The following TAS2R1 variants were observed in gnomAD, a reference collection of about 807,000 sequenced individuals.
TAS2R1 encodes taste 2 receptor member 1, also known as taste receptor type 2 member 1.
For synonymous variants in TAS2R1, 141 were observed against 134.2 expected, an observed-to-expected ratio of 1.05 and a Z score of -0.35; for missense variants, 370 against 353.4, an observed-to-expected ratio of 1.05 and a Z score of -0.38.
At chr5:9,742,867 A>G in the TAS2R1 span, among the ~76,000 whole-genome samples, 1 of 152,196 alleles carries the variant, frequency 6.6e-6, no homozygotes, top group East Asian at 1.9e-4. Flanking sequence ...CAAAAGATAA[A>G]TGAACAATGC....
intron 1 of TAS2R1, among the ~76,000 whole-genome samples, chr5:9,708,315 G>A (rs1192627299): frequency 2.0e-5 from 3 of 152,292 alleles, no homozygotes; most frequent in Middle Eastern, 3.4e-3. Context: ...GAGGTGCTGT[G>A]CCGCAGAGCA....
At chr5:9,721,509 C>T in the TAS2R1 span, among the ~76,000 whole-genome samples, 8 of 152,208 alleles carry the variant, frequency 5.3e-5, no homozygotes, top group South Asian at 2.1e-4. Context: ...CCACAGTAGG[C>T]GCTGAATGAA....
the TAS2R1 span, among the ~76,000 whole-genome samples, chr5:9,719,275 T>C: frequency 2.3e-4 from 35 of 152,032 alleles, no homozygotes; most frequent in Middle Eastern, 3.4e-3. Flanking sequence ...GAGAGAGAGA[T>C]TGAGAGAACA....
chr5:9,873,992 GAGGAAGGAAGAA>G, the TAS2R1 span, among the ~76,000 whole-genome samples: 2 of 146,028 alleles, frequency 1.4e-5, no homozygotes, highest in East Asian at 2.0e-4. Context: ...AAAAGAGAGA[GAGGAAGGAAGAA>G]AGGAAGGAAG....
At chr5:9,685,821 A>G (rs1741112983) in intron 1 of TAS2R1, among the ~76,000 whole-genome samples, 1 of 152,214 alleles carries the variant, frequency 6.6e-6, no homozygotes, top group African/African-American at 2.4e-5. Context: ...ATTATGCAGG[A>G]AAATCCTTTA....
At chr5:9,898,899 C>A in the TAS2R1 span, among the ~76,000 whole-genome samples, 1 of 152,202 alleles carries the variant, frequency 6.6e-6, no homozygotes, top group African/African-American at 2.4e-5. Context: ...CTGCAATAAT[C>A]CTCATGCTAA....
the TAS2R1 span, among the ~76,000 whole-genome samples, chr5:9,755,587 CAAA>C: frequency 5.3e-5 from 5 of 94,858 alleles, no homozygotes; most frequent in East Asian, 2.5e-4. Context: ...ACTCCATCTC[CAAA>C]AAAAAAAAAA....
the TAS2R1 span, among the ~76,000 whole-genome samples, chr5:9,802,760 G>A: frequency 1.6e-4 from 24 of 152,116 alleles, no homozygotes; most frequent in Admixed American, 2.0e-4. Context: ...AAAATTAGCC[G>A]GACGTGGTGG....
At chr5:9,897,695 T>C in the TAS2R1 span, among the ~76,000 whole-genome samples, 1 of 152,216 alleles carries the variant, frequency 6.6e-6, no homozygotes, top group African/African-American at 2.4e-5. Flanking sequence ...TCTTTCTTTT[T>C]TCTTTTTGCT....
At chr5:9,707,087 T>A (rs1741631205) in intron 1 of TAS2R1, among the ~76,000 whole-genome samples, 1 of 152,182 alleles carries the variant, frequency 6.6e-6, no homozygotes, top group Non-Finnish European at 1.5e-5. Flanking sequence ...TTAAGGTTCT[T>A]ATTTCTAACA....
intron 2 of TAS2R1, among the ~76,000 whole-genome samples, chr5:9,653,596 G>A (rs544582293): frequency 7.2e-5 from 11 of 152,180 alleles, no homozygotes; most frequent in African/African-American, 1.9e-4. Flanking sequence ...ATCACTATAC[G>A]GTTTTTCACA....
At chr5:9,902,947 TA>T in the TAS2R1 span, among the ~76,000 whole-genome samples, 20 of 151,358 alleles carry the variant, frequency 1.3e-4, no homozygotes, top group Admixed American at 4.6e-4. Flanking sequence ...AATTCTTTTT[TA>T]AAAAAAAATG....
intron 1 of TAS2R1, among the ~76,000 whole-genome samples, chr5:9,661,440 A>G (rs902833659): frequency 3.3e-5 from 5 of 152,168 alleles, no homozygotes; most frequent in Non-Finnish European, 5.9e-5. Flanking sequence ...TTCTGACATT[A>G]AAGGTGGTTT....
chr5:9,647,805 T>C (rs961740929), intron 2 of TAS2R1, among the ~76,000 whole-genome samples: 3 of 152,184 alleles, frequency 2.0e-5, no homozygotes, highest in African/African-American at 7.2e-5. Flanking sequence ...TTGTTATCGT[T>C]AAGTACATAA....
At chr5:9,687,165 T>G (rs1035056510) in intron 1 of TAS2R1, among the ~76,000 whole-genome samples, 1 of 152,110 alleles carries the variant, frequency 6.6e-6, no homozygotes, top group African/African-American at 2.4e-5. Context: ...TAGACAGAGT[T>G]TCTCCATGTT....
the TAS2R1 span, among the ~76,000 whole-genome samples, chr5:9,856,010 A>G: frequency 1.3e-5 from 2 of 152,114 alleles, no homozygotes; most frequent in South Asian, 4.1e-4. Flanking sequence ...AGAAAAGATT[A>G]TGCCTTTGAA....
the TAS2R1 span, among the ~76,000 whole-genome samples, chr5:9,895,280 C>T: frequency 2.0e-5 from 3 of 152,302 alleles, no homozygotes; most frequent in East Asian, 1.9e-4. Flanking sequence ...CTGGTTTCTT[C>T]CTGCTTTGAA....
chr5:9,785,290 T>G, the TAS2R1 span, among the ~76,000 whole-genome samples: 1 of 152,240 alleles, frequency 6.6e-6, no homozygotes, highest in South Asian at 2.1e-4. Context: ...GGGAGGTTTT[T>G]GTCACGGTTT....
chr5:9,799,391 G>A, the TAS2R1 span, among the ~76,000 whole-genome samples: 2 of 152,176 alleles, frequency 1.3e-5, no homozygotes, highest in Admixed American at 6.5e-5. Flanking sequence ...TAGCCAGGCT[G>A]CATCAAATCA....
Sources: gnomAD v4.1 joint callset for allele counts (sites outside exome capture counted in the v4.1 genomes callset) on GRCh38, gnomAD v4.1.1 for gene constraint, MANE v1.5 for transcripts, NCBI Gene and HGNC (gene_info 2026-07-23, HGNC 2026-07-21) for gene names.